NEGR1: variants seen among roughly 807,000 people sequenced by gnomAD.
NEGR1 encodes IgLON family member 4.
Under a neutral mutation model 40.9 loss-of-function variants are expected in NEGR1, and 10 were observed. That is an observed-to-expected ratio of 0.24 (90% CI 0.15 to 0.42). NEGR1 has a LOEUF of 0.42. Ranked by LOEUF, NEGR1 falls within the 10% of genes least tolerant of loss-of-function variation. NEGR1 has a pLI of 1.00. For missense variants in NEGR1, 352 were observed against 438.9 expected (o/e 0.80, Z 1.77); for synonymous variants, 185 against 166.8 (o/e 1.11, Z -0.84).
At chr1:72,133,912 AC>A (rs1455340678) in intron 1 of NEGR1, among the ~76,000 whole-genome samples, 1 of 151,888 alleles carries the variant, frequency 6.6e-6, no homozygotes, top group African/African-American at 2.4e-5. Context: ...CAAATTCTGC[AC>A]AAAGAATGTT....
chr1:71,534,775 A>G (rs1321311012), intron 6 of NEGR1, among the ~76,000 whole-genome samples: 2 of 151,712 alleles, frequency 1.3e-5, no homozygotes, highest in Non-Finnish European at 3.0e-5. Context: ...CTGAAATCAT[A>G]GGAGCTAATA....
chr1:71,792,872 T>C lies in NEGR1; in HGVS notation c.410-16575A>G, dbSNP rs1007717501. On this transcript the variant is annotated intron_variant, in intron 2 of 6. Transcript: ENST00000357731. ...GAACTTTTCTTTTGTAGTAGAGAAATATCTTATTTCTTTCTAGGTGTTGCA... is the reference window on the plus strand; with the variant it reads ...GAACTTTTCTTTTGTAGTAGAGAAACATCTTATTTCTTTCTAGGTGTTGCA... Among the ~76,000 whole-genome samples, 19 of 152,056 alleles carry C rather than the reference T, an allele frequency of 1.2e-4. 1 individual carries two copies. Among genetic ancestry groups the C allele is most frequent in the African/African-American group, 4.3e-4 (18 of 41,418 alleles).
rs544197111 is a variant in NEGR1 at position 71,766,519 on chromosome 1, T to G, written c.535+9653A>C. On this transcript the variant is annotated intron_variant, in intron 3 of 6. Coordinates refer to ENST00000357731, the MANE Select transcript of NEGR1 (RefSeq NM_173808.3). Reference sequence around the variant, plus strand: ...CAGAGCCAGTAACACCTTTATCAATTAATAAAAACCACCAGGCTAAAGGAT... The same window carrying G: ...CAGAGCCAGTAACACCTTTATCAATGAATAAAAACCACCAGGCTAAAGGAT... Among the ~76,000 whole-genome samples, 10 of 152,318 alleles carry G rather than the reference T, an allele frequency of 6.6e-5. No individual in the cohort carries two copies. In the South Asian group the frequency reaches 2.1e-3, roughly 32 times the overall value.
intron 6 of NEGR1, among the ~76,000 whole-genome samples, chr1:71,423,479 T>C (rs1468943636): frequency 6.6e-6 from 1 of 151,992 alleles, no homozygotes; most frequent in African/African-American, 2.4e-5. Context: ...TCAAGAAAAA[T>C]GATTGTCATT....
chr1:71,918,599 A>G (rs764833718), intron 2 of NEGR1, among the ~76,000 whole-genome samples: 4 of 152,140 alleles, frequency 2.6e-5, no homozygotes, highest in Non-Finnish European at 5.9e-5. Context: ...AGAGGCTTCA[A>G]GGGTAAATTT....
At chr1:71,948,669 A>G (rs2100267562) in intron 1 of NEGR1, among the ~76,000 whole-genome samples, 1 of 152,254 alleles carries the variant, frequency 6.6e-6, no homozygotes, top group Non-Finnish European at 1.5e-5. Context: ...AAGTGCCAGA[A>G]TCTCCCCACA....
intron 1 of NEGR1, among the ~76,000 whole-genome samples, chr1:71,957,028 C>A (rs781440973): frequency 9.9e-5 from 15 of 152,122 alleles, no homozygotes; most frequent in Non-Finnish European, 1.9e-4. Flanking sequence ...AATACTCAGA[C>A]CATTTAGTAT....
chr1:71,880,395 T>C (rs1481724822), intron 2 of NEGR1, among the ~76,000 whole-genome samples: 1 of 152,038 alleles, frequency 6.6e-6, no homozygotes, highest in Non-Finnish European at 1.5e-5. Context: ...AGACAAAATT[T>C]TGATGCCCCC....
At chr1:72,174,959 A>T (rs189182529) in intron 1 of NEGR1, among the ~76,000 whole-genome samples, 1 of 151,070 alleles carries the variant, frequency 6.6e-6, no homozygotes, top group Non-Finnish European at 1.5e-5. Flanking sequence ...TTTTCTTTTT[A>T]TTTTATTTTA....
At chr1:72,012,305 G>A (rs375212249) in intron 1 of NEGR1, among the ~76,000 whole-genome samples, 26 of 152,030 alleles carry the variant, frequency 1.7e-4, no homozygotes, top group African/African-American at 5.5e-4. Flanking sequence ...CTAACTAAAG[G>A]GCTCAAGGTT....
chr1:71,675,122 T>TATATATATATATATATATATATATAC, intron 4 of NEGR1, among the ~76,000 whole-genome samples: 1 of 76,646 alleles, frequency 1.3e-5, no homozygotes, highest in Non-Finnish European at 2.6e-5. Flanking sequence ...CATATATATA[T>TATATATATATATATATATATATATAC]ATATACACAC....
intron 1 of NEGR1, among the ~76,000 whole-genome samples, chr1:72,267,664 G>T (rs966624680): frequency 1.3e-5 from 2 of 151,232 alleles, no homozygotes; most frequent in Non-Finnish European, 3.0e-5. Context: ...ACAGAAGCAT[G>T]AAAGTGCTAT....
intron 6 of NEGR1, among the ~76,000 whole-genome samples, chr1:71,566,768 A>T (rs1346796796): frequency 6.6e-6 from 1 of 152,188 alleles, no homozygotes; most frequent in East Asian, 1.9e-4. Flanking sequence ...AGGACACCAT[A>T]GACTGGGTGG....
chr1:72,248,482 T>C (rs1654974219), intron 1 of NEGR1, among the ~76,000 whole-genome samples: 2 of 151,764 alleles, frequency 1.3e-5, no homozygotes, highest in South Asian at 4.1e-4. Flanking sequence ...GGTCCCGATC[T>C]CCTGACCTCA....
At chr1:71,797,091 G>A (rs1657359804) in intron 2 of NEGR1, among the ~76,000 whole-genome samples, 1 of 152,124 alleles carries the variant, frequency 6.6e-6, no homozygotes. Context: ...AGACAGACGG[G>A]AATGCCAAAG....
chr1:72,081,565 C>T (rs765040007), intron 1 of NEGR1, among the ~76,000 whole-genome samples: 1 of 152,064 alleles, frequency 6.6e-6, no homozygotes, highest in Non-Finnish European at 1.5e-5. Flanking sequence ...AGACTATGAG[C>T]ATCATGAGTG....
chr1:72,251,043 T>A (rs1372493934), intron 1 of NEGR1, among the ~76,000 whole-genome samples: 2 of 152,176 alleles, frequency 1.3e-5, no homozygotes, highest in Admixed American at 6.5e-5. Context: ...CCAGTCGAAT[T>A]CACCAGAGGA....
chr1:71,598,175 C>A (rs530857922), intron 5 of NEGR1, among the ~76,000 whole-genome samples: 1 of 152,004 alleles, frequency 6.6e-6, no homozygotes, highest in African/African-American at 2.4e-5. Context: ...TGGTACCCTC[C>A]GAAAGTAGCA....
At chr1:71,639,206 G>GA (rs111324697) in intron 4 of NEGR1, among the ~76,000 whole-genome samples, 5,766 of 116,328 alleles carry the variant, frequency 0.05, 188 homozygotes, top group African/African-American at 0.11. Context: ...GATGTTCAGG[G>GA]AAAAAAAAAA....
Sources: gnomAD v4.1 joint callset for allele counts (sites outside exome capture counted in the v4.1 genomes callset) on GRCh38, gnomAD v4.1.1 for gene constraint, MANE v1.5 for transcripts, NCBI Gene and HGNC (gene_info 2026-07-23, HGNC 2026-07-21) for gene names.